GFPT2: variants seen among roughly 807,000 people sequenced by gnomAD.
The protein encoded by GFPT2 is glutamine--fructose-6-phosphate aminotransferase [isomerizing] 2.
Under a neutral mutation model 85.6 loss-of-function variants are expected in GFPT2, and 62 were observed. The ratio of observed to expected loss-of-function variants is 0.72; its 90% CI spans 0.59 to 0.90. GFPT2 has a LOEUF of 0.90. GFPT2 is among the 40% of genes least tolerant of loss of function. GFPT2 has a pLI of 0.00. For synonymous variants in GFPT2, 368 were observed against 344.5 expected (o/e 1.07, Z -0.75); for missense variants, 788 against 893.4 (o/e 0.88, Z 1.50).
In GFPT2 at chr5:180,330,957, G is replaced by A; in HGVS notation, c.400-123C>T. 1.2e-6 allele frequency: 1 copy of A among 840,618 alleles called. No individual in the cohort carries two copies. The allele number at this position is 840,618 out of a possible 1,614,324, so 52.1% of individuals were successfully genotyped here. ...CTTAAGTCAAGAACAGGGAAAACCG[G>A]GAAGGGGGGAAAAATGTTTGCCAGC... is the stretch of plus-strand genomic sequence containing the variant. On this transcript the variant is annotated intron_variant, in intron 5 of 18. Transcript: ENST00000253778. This position sits in a 1 kb window ranked among gnomAD's most constrained non-coding sequence, Gnocchi z 4.4.
rs1329196232 is a variant in GFPT2, at chr5:180,307,165, T to TG, written c.1674+10dup. The TG allele has an allele frequency of 1.2e-6, 1 of 836,306 alleles. No individual in the cohort carries two copies. The highest frequency in any genetic ancestry group is 1.8e-6 in the Non-Finnish European group (1 of 553,616). 51.8% of individuals were successfully genotyped at this position (836,306 alleles called of 1,614,324 possible). ...CCTCCGTGGGGGTGGGGGCTGGGGGTGGGGGCTCACCAGGGCTCCTTCCAG... is the reference window on the plus strand; with the variant it reads ...CCTCCGTGGGGGTGGGGGCTGGGGGTGGGGGGCTCACCAGGGCTCCTTCCAG... On this transcript the variant is annotated intron_variant, in intron 16 of 18. Coordinates refer to ENST00000253778, the MANE Select transcript of GFPT2 (RefSeq NM_005110.4).
Position 180,330,322 on chromosome 5 carries a change from A to G in GFPT2, c.534+378T>C, listed in dbSNP as rs377601538. Among the ~76,000 whole-genome samples the G allele has an allele frequency of 6.6e-6, 1 of 152,212 alleles. No homozygotes were observed. On this transcript the variant is annotated intron_variant, in intron 6 of 18. Coordinates refer to ENST00000253778, the MANE Select transcript of GFPT2 (RefSeq NM_005110.4). This position sits in a 1 kb window ranked among gnomAD's most constrained non-coding sequence, Gnocchi z 4.4. ...GTGCAACAGAGTGAGACTCTGTCTC[A>G]AAAAAGAAAAACCTAGAAACACATC...
At chr5:180,352,672 G>C (rs936867872) in intron 1 of GFPT2, 2 of 438,726 alleles carry the variant, frequency 4.6e-6, no homozygotes, top group East Asian at 1.7e-4. Context: ...GTCGCGAGGA[G>C]GACGCGCAGG....
intron 9 of GFPT2, among the ~76,000 whole-genome samples, chr5:180,320,518 A>G (rs1389234371): frequency 6.6e-6 from 1 of 152,096 alleles, no homozygotes; most frequent in Non-Finnish European, 1.5e-5. Flanking sequence ...CACACCTGTA[A>G]TCCTAGCACT....
At chr5:180,327,118 C>T (rs1291353520) in intron 7 of GFPT2, among the ~76,000 whole-genome samples, 1 of 152,196 alleles carries the variant, frequency 6.6e-6, no homozygotes, top group East Asian at 1.9e-4. Flanking sequence ...GAAGAGACAG[C>T]CTCACCCTCT....
chr5:180,313,955 G>A lies in GFPT2; in HGVS notation c.1283C>T (p.Ala428Val), dbSNP rs897463241. The A allele has an allele frequency of 6.3e-7, 1 of 1,597,376 alleles. No homozygotes were observed. The highest frequency in any genetic ancestry group is 8.5e-7 in the Non-Finnish European group (1 of 1,177,684). The change falls in exon 14 of 19, where the codon GCG becomes GTG. Residue 428 changes from alanine (A) to valine (V), a missense_variant. Coordinates refer to ENST00000253778, the MANE Select transcript of GFPT2 (RefSeq NM_005110.4). ...CFFISQSGET[A>V]DTLLALRYCK... ...GTAGCGCAGCGCCAGGAGGGTGTCC[G>A]CGGTCTCGCCTGCCGCCCAGGGGCC...
chr5:180,330,693 AAC>A lies in GFPT2; in HGVS notation c.534+5_534+6del. The A allele has an allele frequency of 6.2e-7, 1 of 1,609,842 alleles. No individual in the cohort carries two copies. The highest frequency in any genetic ancestry group is 8.5e-7 in the Non-Finnish European group (1 of 1,176,284). On this transcript the variant is annotated splice_donor_5th_base_variant and intron_variant, in intron 6 of 18. Coordinates refer to ENST00000253778, the MANE Select transcript of GFPT2 (RefSeq NM_005110.4). The surrounding 1 kb of genome is among the most constrained non-coding windows in gnomAD (Gnocchi z 4.4). ...AATGAGTTAGACAGATGGGATTTGTAACTCACCAACTGCTGAATGACTCTCTC... is the reference window on the plus strand; with the variant it reads ...AATGAGTTAGACAGATGGGATTTGTATCACCAACTGCTGAATGACTCTCTC...
chr5:180,327,576 T>C (rs148970985), intron 7 of GFPT2, among the ~76,000 whole-genome samples: 259 of 152,368 alleles, frequency 1.7e-3, no homozygotes, highest in African/African-American at 5.6e-3. Flanking sequence ...TGCCCTCCTG[T>C]ACAACTGTTC....
At chr5:180,327,990 C>T (rs1252761984) in intron 7 of GFPT2, among the ~76,000 whole-genome samples, 2 of 152,100 alleles carry the variant, frequency 1.3e-5, no homozygotes, top group African/African-American at 2.4e-5. Context: ...CCTGTCTGTA[C>T]GATTTTATTT....
intron 10 of GFPT2, among the ~76,000 whole-genome samples, chr5:180,317,632 G>A (rs920630478): frequency 1.4e-5 from 2 of 142,692 alleles, no homozygotes; most frequent in African/African-American, 2.8e-5. Flanking sequence ...AGTGGCGGGC[G>A]CCTGTAGTCC....
Position 180,302,597 on chromosome 5 carries a change from A to C in GFPT2, c.1843-13T>G. 6.2e-7 allele frequency: 1 copy of C among 1,601,876 alleles called. No individual in the cohort carries two copies. Among genetic ancestry groups the C allele is most frequent in the Non-Finnish European group, 8.5e-7 (1 of 1,170,650 alleles). On this transcript the variant is annotated splice_polypyrimidine_tract_variant and intron_variant, in intron 17 of 18. Transcript: ENST00000253778. ...TAATGGGGCGACCCTAGAGCAGAGA[A>C]ATAGCATCATAAAATAGACCCTCTC...
chr5:180,305,194 A>T (rs1359829505), intron 16 of GFPT2, among the ~76,000 whole-genome samples: 1 of 152,140 alleles, frequency 6.6e-6, no homozygotes, highest in African/African-American at 2.4e-5. Flanking sequence ...AGCCCCGGGC[A>T]CTGCTGTTGT....
intron 13 of GFPT2, among the ~76,000 whole-genome samples, chr5:180,314,761 G>A (rs1763968537): frequency 6.6e-6 from 1 of 152,144 alleles, no homozygotes; most frequent in South Asian, 2.1e-4. Flanking sequence ...CTGCGGTGAG[G>A]GTGCGGGAAA....
At chr5:180,324,570 G>A (rs2127652342) in intron 8 of GFPT2, 1 of 586,326 alleles carries the variant, frequency 1.7e-6, no homozygotes, top group East Asian at 2.8e-5. Context: ...TTATACAATG[G>A]CACTTTTGTG....
In GFPT2 at chr5:180,301,428, C is replaced by T. The variant is rs562918481; in HGVS notation, c.*136G>A. The T allele has an allele frequency of 9.1e-6, 7 of 771,116 alleles. No individual in the cohort carries two copies. Among genetic ancestry groups the T allele is most frequent in the South Asian group, 4.8e-5 (3 of 63,068 alleles). 47.8% of individuals were successfully genotyped at this position (771,116 alleles called of 1,614,324 possible). ...AGCAAAAGCACTTGGGTAGAAGGCA[C>T]GTGGAAGCTGTCAAGCTCTACAGGA... On this transcript the variant is annotated 3_prime_UTR_variant, in exon 19 of 19. Transcript: ENST00000253778.
At chr5:180,302,969 C>A (rs1264996793) in intron 17 of GFPT2, among the ~76,000 whole-genome samples, 1 of 152,126 alleles carries the variant, frequency 6.6e-6, no homozygotes, top group South Asian at 2.1e-4. Context: ...GTGGCTCACG[C>A]CTGTAATCCC....
chr5:180,345,981 C>A (rs1764600084), intron 1 of GFPT2, among the ~76,000 whole-genome samples: 2 of 151,948 alleles, frequency 1.3e-5, no homozygotes, highest in South Asian at 2.1e-4. Context: ...CCGCACAACA[C>A]CCCCGGCCCC....
intron 17 of GFPT2, among the ~76,000 whole-genome samples, chr5:180,303,636 G>A (rs1763720755): frequency 6.6e-6 from 1 of 152,216 alleles, no homozygotes; most frequent in South Asian, 2.1e-4. Context: ...GCTGAGCCAG[G>A]TGGCAACATC....
chr5:180,333,822 G>A (rs956359951), intron 4 of GFPT2, among the ~76,000 whole-genome samples: 1 of 152,214 alleles, frequency 6.6e-6, no homozygotes, highest in Admixed American at 6.5e-5. Context: ...AAGTTTGGGT[G>A]TGGGTGGGCC....
Sources: gnomAD v4.1 joint callset for allele counts (sites outside exome capture counted in the v4.1 genomes callset) on GRCh38, gnomAD v4.1.1 for gene constraint, Gnocchi (gnomAD v3.1) non-coding constraint, MANE v1.5 for transcripts, NCBI Gene and HGNC (gene_info 2026-07-23, HGNC 2026-07-21) for gene names.